Variants in CFAP58 observed in about 807,000 individuals in gnomAD.
CFAP58 encodes cilia- and flagella-associated protein 58.
A neutral mutation model predicts 119.5 loss-of-function variants in CFAP58; 88 were observed. That is an observed-to-expected ratio of 0.74 (90% CI 0.62 to 0.88). CFAP58 has a LOEUF of 0.88. Ranked by LOEUF, CFAP58 falls within the 40% of genes least tolerant of loss-of-function variation. The pLI, the probability that CFAP58 is intolerant of heterozygous loss-of-function variation, is 0.00. For synonymous variants in CFAP58, 365 were observed against 366.3 expected, an observed-to-expected ratio of 1.00 and a Z score of 0.04; for missense variants, 990 against 1,021.2, an observed-to-expected ratio of 0.97 and a Z score of 0.42.
chr10:104,339,082 A>G, the CFAP58 span, among the ~76,000 whole-genome samples: 5 of 152,010 alleles, frequency 3.3e-5, no homozygotes, highest in Admixed American at 2.6e-4. Context: ...CTAATTTTGT[A>G]TTTTTAGTAG....
At chr10:104,432,827 A>G (rs558137239) in intron 15 of CFAP58, among the ~76,000 whole-genome samples, 77 of 152,320 alleles carry the variant, frequency 5.1e-4, no homozygotes, top group African/African-American at 1.8e-3. Context: ...TACTGTGGGT[A>G]GAGTTTAAAT....
intron 9 of CFAP58, among the ~76,000 whole-genome samples, chr10:104,384,242 C>T (rs2011878367): frequency 6.6e-6 from 1 of 152,178 alleles, no homozygotes; most frequent in Non-Finnish European, 1.5e-5. Context: ...GGACTGGAGA[C>T]ATACCTAATT....
chr10:104,380,160 C>G lies in CFAP58; in HGVS notation c.1305C>G (p.Ile435Met), dbSNP rs1435739831. The G allele has an allele frequency of 6.8e-6, 11 of 1,614,010 alleles. No homozygotes were observed. The highest frequency in any genetic ancestry group is 9.3e-6 in the Non-Finnish European group (11 of 1,180,004). ...AGGCTCAGAAGCAGAGAAAGATCAT[C>G]TTTCATCTGGAAAAGGAGCGTGACC... ...KDEAQKQRKI[I>M]FHLEKERDRY... The change falls in exon 9 of 18, where the codon ATC becomes ATG. Residue 435 changes from isoleucine to methionine, a missense_variant. Transcript: ENST00000369704.
chr10:104,404,249 C>T (rs2012319142), intron 14 of CFAP58, among the ~76,000 whole-genome samples: 1 of 152,176 alleles, frequency 6.6e-6, no homozygotes, highest in Non-Finnish European at 1.5e-5. Context: ...TTATTACTTA[C>T]AGAAAATACG....
intron 15 of CFAP58, among the ~76,000 whole-genome samples, chr10:104,435,552 A>G (rs2012919778): frequency 6.6e-6 from 1 of 152,172 alleles, no homozygotes; most frequent in Non-Finnish European, 1.5e-5. Flanking sequence ...CCTCAACCAC[A>G]TTTGATGGCA....
At chr10:104,440,492 G>C (rs1347369970) in intron 15 of CFAP58, among the ~76,000 whole-genome samples, 1 of 152,054 alleles carries the variant, frequency 6.6e-6, no homozygotes, top group Non-Finnish European at 1.5e-5. Flanking sequence ...CTAGCTTCAA[G>C]GATTGAGCCC....
chr10:104,396,392 GAGAGAGAGAGA>G (rs2012156565), intron 11 of CFAP58, among the ~76,000 whole-genome samples: 1 of 37,032 alleles, frequency 2.7e-5, no homozygotes, highest in Non-Finnish European at 5.2e-5. Context: ...GAGAGAGAGA[GAGAGAGAGAGA>G]GAGAGAGAGA....
chr10:104,441,798 C>T (rs921356055), intron 15 of CFAP58, among the ~76,000 whole-genome samples: 1 of 152,222 alleles, frequency 6.6e-6, no homozygotes, highest in African/African-American at 2.4e-5. Flanking sequence ...TCTGTTTCAT[C>T]ACCAAATGCC....
At chr10:104,353,314 A>C (rs2014488060), upstream of CFAP58, 1 of 152,428 alleles carries the variant, frequency 6.6e-6, no homozygotes. Context: ...TGGTTTCTCT[A>C]CTTCAGCTTT....
chr10:104,380,289 A>C lies in CFAP58; in HGVS notation c.1365+69A>C, dbSNP rs1479756399. ...CTTCCTCCGCATTTCTGATGGTCAC[A>C]AACTGTTGCAAAGAGAATTTATTCA... is the stretch of plus-strand genomic sequence containing the variant. On this transcript the variant is annotated intron_variant, in intron 9 of 17. Transcript: ENST00000369704. 3.8e-6 allele frequency: 5 copies of C among 1,327,244 alleles called. No homozygotes were observed. The Admixed American group carries it at 1.0e-4, about 27-fold the overall frequency. 82.2% of individuals were successfully genotyped at this position (1,327,244 alleles called of 1,614,324 possible). A position where few individuals can be genotyped will look rare whatever the true frequency, so the allele number is the denominator to read the frequency against.
At chr10:104,429,262 T>C (rs2012803447) in intron 15 of CFAP58, among the ~76,000 whole-genome samples, 1 of 152,020 alleles carries the variant, frequency 6.6e-6, no homozygotes, top group Non-Finnish European at 1.5e-5. Flanking sequence ...AGCAATGAAA[T>C]CAGGCAGAGG....
intron 15 of CFAP58, among the ~76,000 whole-genome samples, chr10:104,435,019 G>T (rs559198320): frequency 6.6e-6 from 1 of 152,178 alleles, no homozygotes; most frequent in Non-Finnish European, 1.5e-5. Context: ...AAAGTGACTG[G>T]CATATAATAG....
intron 13 of CFAP58, among the ~76,000 whole-genome samples, chr10:104,403,165 A>C (rs2012295903): frequency 6.6e-6 from 1 of 152,166 alleles, no homozygotes; most frequent in Admixed American, 6.5e-5. Context: ...CCATAGGGGT[A>C]GTTTCCCCCA....
At chr10:104,418,604 C>T (rs569574664) in intron 15 of CFAP58, among the ~76,000 whole-genome samples, 2 of 152,284 alleles carry the variant, frequency 1.3e-5, no homozygotes, top group South Asian at 4.1e-4. Flanking sequence ...AACAGAGCCC[C>T]TCACCACTAT....
At chr10:104,428,256 A>G (rs2012784024) in intron 15 of CFAP58, among the ~76,000 whole-genome samples, 1 of 152,094 alleles carries the variant, frequency 6.6e-6, no homozygotes, top group Admixed American at 6.5e-5. Context: ...CCCACAGGGA[A>G]GTCGCTCACC....
At chr10:104,414,545 G>A (rs895358391) in intron 15 of CFAP58, among the ~76,000 whole-genome samples, 3 of 141,240 alleles carry the variant, frequency 2.1e-5, no homozygotes, top group Admixed American at 7.0e-5. Flanking sequence ...TTCTAAGGTT[G>A]TGAACAGAGA....
Position 104,381,446 on chromosome 10 carries a change from A to G in CFAP58, c.1365+1226A>G, listed in dbSNP as rs74154794. ...GGGTGGGAGGCTGGGAAATGGAGAA[A>G]AGTTTTAGTTACGAGGCTGATAACA... On this transcript the variant is annotated intron_variant, in intron 9 of 17. Transcript: ENST00000369704. Among the ~76,000 whole-genome samples, 690 of 152,228 alleles carry G rather than the reference A, an allele frequency of 4.5e-3. 5 individuals are homozygous for G. The highest frequency in any genetic ancestry group is 0.016 in the African/African-American group (667 of 41,536).
intron 17 of CFAP58, among the ~76,000 whole-genome samples, chr10:104,451,878 A>G (rs538176142): frequency 2.0e-5 from 3 of 149,704 alleles, no homozygotes; most frequent in South Asian, 2.1e-4. Flanking sequence ...ACAAGCATGC[A>G]CCAACATGCC....
In CFAP58 at chr10:104,358,336, T is replaced by A. The variant is rs758762880; in HGVS notation, c.10-5T>A. On this transcript the variant is annotated splice_polypyrimidine_tract_variant and splice_region_variant and intron_variant, in intron 1 of 17. Coordinates refer to ENST00000369704, the MANE Select transcript of CFAP58 (RefSeq NM_001008723.2). Reference sequence around the variant, plus strand: ...CCCTTTCCCATCCCTGCTTTTTTTCTATAGGAAAAGGGTGGAAAGCAAGTC... The same window carrying A: ...CCCTTTCCCATCCCTGCTTTTTTTCAATAGGAAAAGGGTGGAAAGCAAGTC... The A allele has an allele frequency of 1.2e-6, 2 of 1,603,814 alleles. No homozygotes were observed. The highest frequency in any genetic ancestry group is 1.7e-6 in the Non-Finnish European group (2 of 1,174,132).
Sources: allele counts gnomAD v4.1 joint callset (sites outside exome capture counted in the v4.1 genomes callset), GRCh38; gene constraint gnomAD v4.1.1; transcripts MANE v1.5; gene names NCBI Gene and HGNC (gene_info 2026-07-23, HGNC 2026-07-21).